The following IRAK1BP1 variants were observed in gnomAD, a reference collection of about 807,000 sequenced individuals.
IRAK1BP1 encodes the protein interleukin 1 receptor associated kinase 1 binding protein 1, also known as interleukin-1 receptor-associated kinase 1-binding protein 1.
Under a neutral mutation model 28.0 loss-of-function variants are expected in IRAK1BP1, and 24 were observed. That is an observed-to-expected ratio of 0.86 (90% confidence interval 0.62 to 1.20). The LOEUF is 1.20. IRAK1BP1 is among the 50% of genes most tolerant of loss of function. The pLI is 0.00. For synonymous variants in IRAK1BP1, 131 were observed against 116.3 expected, an observed-to-expected ratio of 1.13 and a Z score of -0.81; for missense variants, 336 against 316.7, an observed-to-expected ratio of 1.06 and a Z score of -0.46.
chr6:78,932,535 C>T (rs994934406), intron 4 of IRAK1BP1, among the ~76,000 whole-genome samples: 5 of 150,216 alleles, frequency 3.3e-5, no homozygotes, highest in Non-Finnish European at 7.4e-5. Flanking sequence ...AATTCTCCTG[C>T]CTCAGCCTCC....
At chr6:78,975,608 T>C in the IRAK1BP1 span, among the ~76,000 whole-genome samples, 1 of 152,200 alleles carries the variant, frequency 6.6e-6, no homozygotes, top group Non-Finnish European at 1.5e-5. Context: ...ATGACATGAT[T>C]GTGTATCTAG....
At chr6:78,905,770 G>C (rs1011306796), downstream of IRAK1BP1, among the ~76,000 whole-genome samples, 2 of 151,792 alleles carry the variant, frequency 1.3e-5, no homozygotes, top group Non-Finnish European at 2.9e-5. Flanking sequence ...CCTGGCTAAT[G>C]TTTTGTATTT....
chr6:78,957,123 A>T, the IRAK1BP1 span: 1 of 152,134 alleles, frequency 6.6e-6, no homozygotes, highest in East Asian at 1.9e-4. Context: ...TAAGTATTTC[A>T]TGAATCTGAC....
chr6:78,945,356 G>A (rs1773748910), intron 4 of IRAK1BP1: 1 of 1,613,684 alleles, frequency 6.2e-7, no homozygotes, highest in African/African-American at 1.3e-5. Flanking sequence ...GAGTACAGAT[G>A]ACTTCATTTT....
At chr6:78,910,870 G>T (rs907400720) in intron 4 of IRAK1BP1, among the ~76,000 whole-genome samples, 1 of 152,214 alleles carries the variant, frequency 6.6e-6, no homozygotes, top group African/African-American at 2.4e-5. Flanking sequence ...GGACAGCCGC[G>T]CACCAACAGC....
chr6:78,946,912 G>C (rs1163736782), downstream of IRAK1BP1: 2 of 1,358,876 alleles, frequency 1.5e-6, no homozygotes, highest in Non-Finnish European at 2.0e-6. Flanking sequence ...CCATTCCTTG[G>C]AGGAAAATAC....
the IRAK1BP1 span, among the ~76,000 whole-genome samples, chr6:78,969,570 C>T: frequency 2.6e-5 from 4 of 151,908 alleles, no homozygotes; most frequent in Non-Finnish European, 4.4e-5. Flanking sequence ...TATTTTTATA[C>T]AAAAATTTAA....
downstream of IRAK1BP1, chr6:78,946,810 T>C: frequency 6.3e-7 from 1 of 1,593,890 alleles, no homozygotes; most frequent in Non-Finnish European, 8.5e-7. Flanking sequence ...AGATTTATAA[T>C]CTGATAAAAC....
rs1372162708 is a variant in IRAK1BP1 at position 78,867,565 on chromosome 6, G to A, written c.-12G>A. 6.2e-7 allele frequency: 1 copy of A among 1,610,032 alleles called. No individual in the cohort carries two copies. The highest frequency in any genetic ancestry group is 1.1e-5 in the South Asian group (1 of 90,796). On this transcript the variant is annotated 5_prime_UTR_variant, in exon 1 of 4. Coordinates refer to ENST00000369940, the MANE Select transcript of IRAK1BP1 (RefSeq NM_001010844.4). ...GGCCGGTAGTTACTATGGAAACCCA[G>A]CTGCCATCGCTATGTCTCTGCAAAA...
the IRAK1BP1 span, among the ~76,000 whole-genome samples, chr6:78,973,190 T>C: frequency 6.6e-6 from 1 of 152,048 alleles, no homozygotes. Context: ...CAGCAGAAAC[T>C]CTACAAGCCA....
the IRAK1BP1 span, among the ~76,000 whole-genome samples, chr6:78,968,354 T>C: frequency 1.3e-5 from 2 of 152,226 alleles, no homozygotes; most frequent in South Asian, 2.1e-4. Context: ...GGTCTACTTA[T>C]ACACAGATTT....
intron 2 of IRAK1BP1, among the ~76,000 whole-genome samples, chr6:78,891,071 AAAAT>A (rs1421866395): frequency 2.0e-5 from 3 of 152,218 alleles, no homozygotes; most frequent in Non-Finnish European, 4.4e-5. Context: ...CTCCAAGAAA[AAAAT>A]AAAGGAACTC....
At chr6:78,970,702 A>T in the IRAK1BP1 span, 1 of 884,020 alleles carries the variant, frequency 1.1e-6, no homozygotes, top group Non-Finnish European at 1.8e-6. Flanking sequence ...TATTGTGTTA[A>T]TAGTAACCTT....
downstream of IRAK1BP1, among the ~76,000 whole-genome samples, chr6:78,903,892 T>C (rs1248114784): frequency 3.3e-5 from 5 of 152,222 alleles, no homozygotes; most frequent in Admixed American, 3.3e-4. Flanking sequence ...ACATCAGTTT[T>C]ACGCTGGTCA....
chr6:78,964,494 A>G, the IRAK1BP1 span, among the ~76,000 whole-genome samples: 2 of 151,998 alleles, frequency 1.3e-5, no homozygotes, highest in African/African-American at 4.8e-5. Context: ...GAGATGTAAT[A>G]TATTATTATT....
the IRAK1BP1 span, chr6:78,970,180 GAGAC>G: frequency 6.2e-7 from 1 of 1,608,632 alleles, no homozygotes. Flanking sequence ...GTTCCTGAGA[GAGAC>G]AGAGAATATA....
At chr6:78,951,975 A>G in the IRAK1BP1 span, among the ~76,000 whole-genome samples, 1 of 152,226 alleles carries the variant, frequency 6.6e-6, no homozygotes, top group Non-Finnish European at 1.5e-5. Context: ...GAGCAGTCTC[A>G]GGTCTCCTCC....
At chr6:78,931,684 T>C (rs1414062304) in intron 4 of IRAK1BP1, among the ~76,000 whole-genome samples, 9 of 152,218 alleles carry the variant, frequency 5.9e-5, no homozygotes. Context: ...TATTTTAGTT[T>C]AAAAATACTT....
chr6:78,896,808 G>A (rs1322333051), intron 2 of IRAK1BP1, among the ~76,000 whole-genome samples: 1 of 141,578 alleles, frequency 7.1e-6, no homozygotes, highest in Non-Finnish European at 1.5e-5. Flanking sequence ...CAGGAAAACA[G>A]AAAGAGACCC....
Sources: gnomAD v4.1 joint callset for allele counts (sites outside exome capture counted in the v4.1 genomes callset) on GRCh38, gnomAD v4.1.1 for gene constraint, MANE v1.5 for transcripts, NCBI Gene and HGNC (gene_info 2026-07-23, HGNC 2026-07-21) for gene names.